The following PRPF18 variants were observed in gnomAD, a reference collection of about 807,000 sequenced individuals.
PRPF18 encodes the protein pre-mRNA-splicing factor 18.
In PRPF18, 38 loss-of-function variants were observed where a neutral mutation model predicts 46.5. The observed-to-expected ratio is 0.82, with a 90% CI of 0.63 to 1.07. The LOEUF is 1.07. Among genes scored for constraint, PRPF18 ranks in the 50% least tolerant of loss-of-function variants. The pLI is 0.00. For missense variants in PRPF18, 263 were observed against 410.0 expected (o/e 0.64, Z 3.10); for synonymous variants, 152 against 146.7 (o/e 1.04, Z -0.26).
intron 1 of PRPF18, among the ~76,000 whole-genome samples, chr10:13,587,373 G>A (rs78237829): frequency 0.016 from 2,446 of 152,286 alleles, 75 homozygotes; most frequent in African/African-American, 0.056. Flanking sequence ...AGTACAATTC[G>A]TGCTGACTTC....
At position 13,630,353 on chromosome 10, in the gene PRPF18, G is replaced by A. The variant is rs998571577; in HGVS notation, c.*13G>A. ...CAATGCACTGTGAGATCTGTGTATG[G>A]TGTGTTAATAACAATAAGAAACTTA... On this transcript the variant is annotated 3_prime_UTR_variant, in exon 10 of 10. Coordinates refer to ENST00000378572, the MANE Select transcript of PRPF18 (RefSeq NM_003675.4). 5 of 1,588,584 alleles carry A rather than the reference G, an allele frequency of 3.1e-6. No homozygotes were observed. The highest frequency in any genetic ancestry group is 4.3e-6 in the Non-Finnish European group (5 of 1,157,704).
At chr10:13,650,662 C>G in the PRPF18 span, among the ~76,000 whole-genome samples, 2 of 152,180 alleles carry the variant, frequency 1.3e-5, no homozygotes, top group Non-Finnish European at 2.9e-5. Context: ...CTTCCAAAGC[C>G]TAAGTCCCTG....
At chr10:13,598,931 T>C (rs11258465) in intron 2 of PRPF18, among the ~76,000 whole-genome samples, 12,126 of 152,276 alleles carry the variant, frequency 0.08, 622 homozygotes, top group Non-Finnish European at 0.12. Flanking sequence ...GTTTTTTTGT[T>C]TTTATAGAGG....
chr10:13,589,720 T>C (rs2079929088), intron 1 of PRPF18, among the ~76,000 whole-genome samples: 1 of 152,192 alleles, frequency 6.6e-6, no homozygotes. Flanking sequence ...GACTTAGATA[T>C]TTGGATGTTG....
intron 9 of PRPF18, among the ~76,000 whole-genome samples, chr10:13,623,074 G>A (rs1227740498): frequency 2.0e-5 from 3 of 152,038 alleles, no homozygotes; most frequent in African/African-American, 7.2e-5. Context: ...GGTGGCAGGC[G>A]CCTGTAGTCC....
rs773278708 is a variant in PRPF18 at position 13,597,533 on chromosome 10, A to G, written c.142A>G (p.Lys48Glu). ...EEAYFERCGY[K>E]IQPKEEDQKP... ...AGCATATTTTGAAAGATGTGGCTAC[A>G]AGGTATGAATGTCTGCTTTTATGTT... is the stretch of plus-strand genomic sequence containing the variant. The change falls in exon 2 of 10, where the codon AAG becomes GAG. Residue 48 changes from lysine (K) to glutamate (E), a missense_variant and splice_region_variant. Lys to Glu is a moderately conservative substitution (Grantham distance 56). This residue lies in a region of PRPF18 where 71 missense variants were observed against 69.2 expected (regional missense o/e 1.03). Coordinates refer to ENST00000378572, the MANE Select transcript of PRPF18 (RefSeq NM_003675.4). 10 of 1,610,492 alleles carry G rather than the reference A, an allele frequency of 6.2e-6. No individual in the cohort carries two copies. In the Admixed American group the frequency reaches 1.3e-4, roughly 22 times the overall value.
At chr10:13,589,299 A>G (rs1008593315) in intron 1 of PRPF18, among the ~76,000 whole-genome samples, 8 of 152,236 alleles carry the variant, frequency 5.3e-5, no homozygotes, top group Non-Finnish European at 1.0e-4. Context: ...TAAAAATGGT[A>G]TTCCGTGAAA....
At chr10:13,594,585 T>C (rs1053885830) in intron 1 of PRPF18, among the ~76,000 whole-genome samples, 1 of 152,222 alleles carries the variant, frequency 6.6e-6, no homozygotes, top group Non-Finnish European at 1.5e-5. Context: ...TGTAATGTCA[T>C]GGTTCAGTGA....
At chr10:13,636,205 T>C in the PRPF18 span, among the ~76,000 whole-genome samples, 68 of 152,306 alleles carry the variant, frequency 4.5e-4, 1 homozygote, top group African/African-American at 1.6e-3. Context: ...GCAGATCACT[T>C]GAGCTCAGGA....
the PRPF18 span, chr10:13,654,324 C>A: frequency 1.2e-6 from 1 of 863,676 alleles, no homozygotes; most frequent in Non-Finnish European, 2.0e-6. Flanking sequence ...CCTCATCATC[C>A]ATTTACTGAC....
chr10:13,619,817 A>G (rs1457355723), intron 9 of PRPF18, among the ~76,000 whole-genome samples: 1 of 151,666 alleles, frequency 6.6e-6, no homozygotes, highest in Non-Finnish European at 1.5e-5. Flanking sequence ...ATCTTCCATG[A>G]TTTTTTTTAA....
At chr10:13,596,209 G>A (rs921519009) in intron 1 of PRPF18, among the ~76,000 whole-genome samples, 5 of 152,132 alleles carry the variant, frequency 3.3e-5, no homozygotes, top group Admixed American at 2.0e-4. Flanking sequence ...GGCTAGTTTT[G>A]TAAAATGTCT....
At chr10:13,651,648 G>A in the PRPF18 span, 5 of 447,542 alleles carry the variant, frequency 1.1e-5, no homozygotes, top group Middle Eastern at 5.8e-4. Flanking sequence ...ACTCCAGCCT[G>A]GGCAACAGAA....
intron 1 of PRPF18, among the ~76,000 whole-genome samples, chr10:13,594,584 A>G (rs1471602943): frequency 6.6e-6 from 1 of 152,170 alleles, no homozygotes; most frequent in African/African-American, 2.4e-5. Flanking sequence ...TTGTAATGTC[A>G]TGGTTCAGTG....
chr10:13,607,151 G>A (rs2080199839), intron 4 of PRPF18, among the ~76,000 whole-genome samples: 1 of 152,136 alleles, frequency 6.6e-6, no homozygotes, highest in Non-Finnish European at 1.5e-5. Context: ...GAATGCGGTG[G>A]CATAATCATG....
the PRPF18 span, chr10:13,641,120 A>G: frequency 6.6e-6 from 1 of 152,182 alleles, no homozygotes; most frequent in Non-Finnish European, 1.5e-5. Context: ...CTATTATGTT[A>G]TCTAATTTAC....
chr10:13,629,395 A>C (rs886096229), intron 9 of PRPF18, among the ~76,000 whole-genome samples: 1 of 152,224 alleles, frequency 6.6e-6, no homozygotes, highest in Non-Finnish European at 1.5e-5. Context: ...CATACAAAAG[A>C]ATACATGTAA....
the PRPF18 span, chr10:13,652,075 A>G: frequency 3.9e-6 from 3 of 763,736 alleles, no homozygotes; most frequent in African/African-American, 5.1e-5. Context: ...AATATATCCG[A>G]AAGGCTTGCT....
chr10:13,635,183 A>G (rs548523308), downstream of PRPF18, among the ~76,000 whole-genome samples: 1 of 152,254 alleles, frequency 6.6e-6, no homozygotes, highest in African/African-American at 2.4e-5. Flanking sequence ...GATAAGGATA[A>G]TGGCCTCCAG....
Sources: gnomAD v4.1 joint callset for allele counts (sites outside exome capture counted in the v4.1 genomes callset) on GRCh38, gnomAD v4.1.1 for gene constraint, gnomAD v4.1.1 regional missense constraint, MANE v1.5 for transcripts, NCBI Gene and HGNC (gene_info 2026-07-23, HGNC 2026-07-21) for gene names.